ITGA4: variants seen among roughly 807,000 people sequenced by gnomAD.
The protein encoded by ITGA4 is integrin alpha-4.
ITGA4 carries 63 observed loss-of-function variants against 133.6 expected under a neutral mutation model. The ratio of observed to expected loss-of-function variants is 0.47; its 90% CI spans 0.38 to 0.58. The LOEUF is 0.58. ITGA4 is among the 20% of genes least tolerant of loss of function. The probability of loss-of-function intolerance (pLI) is 0.00; values close to 1 mark genes in which losing one functional copy is unlikely to be tolerated. For missense variants in ITGA4, 1,076 were observed against 1,252.7 expected, an observed-to-expected ratio of 0.86 and a Z score of 2.13; for synonymous variants, 483 against 438.0, an observed-to-expected ratio of 1.10 and a Z score of -1.28.
At chr2:181,521,010 AC>A (rs1686708205) in intron 17 of ITGA4, among the ~76,000 whole-genome samples, 1 of 152,198 alleles carries the variant, frequency 6.6e-6, no homozygotes, top group Admixed American at 6.6e-5. Flanking sequence ...TTATTCAAAC[AC>A]TAATCTTCTC....
intron 2 of ITGA4, among the ~76,000 whole-genome samples, chr2:181,461,124 C>T (rs573435499): frequency 2.0e-5 from 3 of 150,516 alleles, no homozygotes; most frequent in African/African-American, 7.4e-5. Flanking sequence ...GTCCATATCT[C>T]GCCTACCCTA....
chr2:181,498,520 A>G, intron 14 of ITGA4, 103 bp from the exon 15 acceptor site: 1 of 566,928 alleles, frequency 1.8e-6, no homozygotes, highest in Non-Finnish European at 2.9e-6. Context: ...AATTCCAGAT[A>G]TTATTTCCAG....
At chr2:181,477,649 C>G (rs976022496) in intron 4 of ITGA4, among the ~76,000 whole-genome samples, 2 of 152,104 alleles carry the variant, frequency 1.3e-5, no homozygotes, top group Non-Finnish European at 2.9e-5. Flanking sequence ...TATGAAATAT[C>G]ACTTCACACC....
intron 4 of ITGA4, chr2:181,475,887 G>A: frequency 6.3e-7 from 1 of 1,585,578 alleles, no homozygotes; most frequent in Middle Eastern, 1.7e-4. Flanking sequence ...TGTCAACAGA[G>A]CATGTCAGAG....
rs1258381140 is a variant in ITGA4, at chr2:181,538,281, G to GTTGT, written c.*2757_*2760dup. 1.5e-6 allele frequency: 2 copies of GTTGT among 1,342,862 alleles called. No individual in the cohort carries two copies. The highest frequency in any genetic ancestry group is 2.9e-5 in the African/African-American group (2 of 69,406). The allele number at this position is 1,342,862 out of a possible 1,614,324, so 83.2% of individuals were successfully genotyped here. ...ATACATTATTTCATCAACTTATTTT[G>GTTGT]TTGTTTTTCACATACACCTAATAAG... On this transcript the variant is annotated 3_prime_UTR_variant, in exon 28 of 28. Transcript: ENST00000397033.
At chr2:181,509,135 TAAAAAAAAAAAAAAAAAAA>T (rs57180154) in intron 15 of ITGA4, among the ~76,000 whole-genome samples, 1,228 of 44,626 alleles carry the variant, frequency 0.028, 30 homozygotes, top group African/African-American at 0.058. Context: ...TCCCATCTCT[TAAAAAAAAAAAAAAAAAAA>T]AAAAAAAAAA....
chr2:181,468,206 T>C (rs1021778680), intron 2 of ITGA4, among the ~76,000 whole-genome samples: 9 of 152,268 alleles, frequency 5.9e-5, no homozygotes, highest in African/African-American at 2.2e-4. Context: ...TCACAAATCA[T>C]CCTTTGTAAA....
chr2:181,463,519 G>C (rs1342488903), intron 2 of ITGA4, among the ~76,000 whole-genome samples: 1 of 152,124 alleles, frequency 6.6e-6, no homozygotes, highest in Non-Finnish European at 1.5e-5. Flanking sequence ...AGGTATTTAG[G>C]AGATAGCACT....
intron 5 of ITGA4, chr2:181,479,393 T>A (rs1685753246): frequency 6.6e-6 from 1 of 152,016 alleles, no homozygotes; most frequent in African/African-American, 2.4e-5. Flanking sequence ...GTTTTTTGAC[T>A]CCATGAAGAT....
chr2:181,485,765 AG>A (rs1685900712), intron 9 of ITGA4, 115 bp from the exon 10 acceptor site: 1 of 779,436 alleles, frequency 1.3e-6, no homozygotes, highest in African/African-American at 1.8e-5. Context: ...CTCAGTCTGT[AG>A]TTTGTCCAAC....
At chr2:181,514,567 A>T (rs1435483980) in intron 17 of ITGA4, among the ~76,000 whole-genome samples, 1 of 152,048 alleles carries the variant, frequency 6.6e-6, no homozygotes, top group Admixed American at 6.6e-5. Flanking sequence ...ATAACTTATA[A>T]TCTTCCCATT....
At chr2:181,504,947 G>A (rs1388115279) in intron 15 of ITGA4, among the ~76,000 whole-genome samples, 1 of 151,752 alleles carries the variant, frequency 6.6e-6, no homozygotes, top group Admixed American at 6.6e-5. Context: ...TATATAAGAT[G>A]GTGATGGTTC....
At chr2:181,473,317 G>A (rs541471263) in intron 2 of ITGA4, among the ~76,000 whole-genome samples, 9 of 152,330 alleles carry the variant, frequency 5.9e-5, no homozygotes, top group East Asian at 3.9e-4. Context: ...CTGCACAGCC[G>A]TGGGATCTAG....
intron 17 of ITGA4, 39 bp downstream of exon 17, chr2:181,511,814 G>C (rs1686511475): frequency 1.0e-6 from 1 of 986,674 alleles, no homozygotes; most frequent in African/African-American, 1.6e-5. Context: ...TATTCATCGA[G>C]AGGGTGTAAT....
At position 181,534,289 on chromosome 2, in the gene ITGA4, C is replaced by T; in HGVS notation, c.2802C>T (p.Leu934=). 6.2e-7 allele frequency: 1 copy of T among 1,605,082 alleles called. No individual in the cohort carries two copies. The highest frequency in any genetic ancestry group is 8.5e-7 in the Non-Finnish European group (1 of 1,172,180). The change falls in exon 26 of 28, where the codon CTC becomes CTT. Residue 934 remains leucine, a synonymous_variant. Transcript: ENST00000397033. ...TTAAACAGGATGAGACTTCAGCACT[C>T]AAGTTTGAAATAAGAGCAACAGGTT... ...SILEMDETSA[L]KFEIRATGFP... is the part of the protein sequence containing the mutation.
intron 2 of ITGA4, among the ~76,000 whole-genome samples, chr2:181,459,598 C>T (rs1245017519): frequency 6.6e-6 from 1 of 152,112 alleles, no homozygotes; most frequent in Non-Finnish European, 1.5e-5. Context: ...TAGAATAAGC[C>T]CTAGCCTCTT....
intron 6 of ITGA4, among the ~76,000 whole-genome samples, chr2:181,480,897 A>G (rs1685785985): frequency 6.6e-6 from 1 of 152,208 alleles, no homozygotes; most frequent in Admixed American, 6.5e-5. Context: ...ACAGAAATGC[A>G]AACTTTTCTG....
intron 10 of ITGA4, among the ~76,000 whole-genome samples, chr2:181,492,651 C>T (rs1473555760): frequency 3.9e-5 from 6 of 151,962 alleles, no homozygotes; most frequent in Non-Finnish European, 8.8e-5. Flanking sequence ...GATCTTTTTT[C>T]CCTTGGTATC....
At position 181,537,300 on chromosome 2, in the gene ITGA4, TTATC is replaced by T. The variant is rs1687183818; in HGVS notation, c.*1775_*1778del. On this transcript the variant is annotated 3_prime_UTR_variant, in exon 28 of 28. Transcript: ENST00000397033. ...CTCAGAAACAACTATATATTTCAGGTTATCTGAGCACAGTGAAAGCAGAGTACTA... is the reference window on the plus strand; with the variant it reads ...CTCAGAAACAACTATATATTTCAGGTTGAGCACAGTGAAAGCAGAGTACTA... The T allele has an allele frequency of 2.2e-6, 1 of 453,614 alleles. No individual in the cohort carries two copies. The highest frequency in any genetic ancestry group is 2.0e-5 in the African/African-American group (1 of 49,958). The allele number at this position is 453,614 out of a possible 1,614,324, so 28.1% of individuals were successfully genotyped here.
Sources: gnomAD v4.1 joint callset for allele counts (sites outside exome capture counted in the v4.1 genomes callset) on GRCh38, gnomAD v4.1.1 for gene constraint, MANE v1.5 for transcripts, NCBI Gene and HGNC (gene_info 2026-07-23, HGNC 2026-07-21) for gene names.